LUZP2: variants seen among roughly 807,000 people sequenced by gnomAD.
LUZP2 encodes leucine zipper protein 2.
Under a neutral mutation model 51.6 loss-of-function variants are expected in LUZP2, and 52 were observed. The ratio of observed to expected loss-of-function variants is 1.01; its 90% CI spans 0.81 to 1.27. The LOEUF (loss-of-function observed/expected upper bound fraction) is 1.27. Ranked by LOEUF, LUZP2 falls within the 50% of genes most tolerant of loss-of-function variation. LUZP2 has a pLI of 0.00. For missense variants in LUZP2, 436 were observed against 395.4 expected, an observed-to-expected ratio of 1.10 and a Z score of -0.87; for synonymous variants, 154 against 137.3, an observed-to-expected ratio of 1.12 and a Z score of -0.85.
At chr11:24,510,374 A>G (rs1165052381) in intron 1 of LUZP2, among the ~76,000 whole-genome samples, 1 of 152,224 alleles carries the variant, frequency 6.6e-6, no homozygotes, top group Non-Finnish European at 1.5e-5. Flanking sequence ...CTTTGGTTCT[A>G]TATTGTCTTG....
intron 5 of LUZP2, among the ~76,000 whole-genome samples, chr11:24,807,742 T>A (rs577225944): frequency 6.6e-6 from 1 of 152,170 alleles, no homozygotes; most frequent in East Asian, 1.9e-4. Context: ...AAAGAACTCC[T>A]CTAGAATGAG....
At chr11:24,630,905 G>A (rs531548533) in intron 1 of LUZP2, among the ~76,000 whole-genome samples, 1 of 151,720 alleles carries the variant, frequency 6.6e-6, no homozygotes, top group Non-Finnish European at 1.5e-5. Context: ...TTTTTGTAGA[G>A]ATCTTTCCTC....
chr11:24,986,459 A>T (rs4411248), intron 9 of LUZP2, among the ~76,000 whole-genome samples: 1 of 150,892 alleles, frequency 6.6e-6, no homozygotes, highest in African/African-American at 2.4e-5. Context: ...TGAAATTGGT[A>T]ACATTTATAC....
At chr11:24,971,250 T>G (rs1855728586) in intron 7 of LUZP2, among the ~76,000 whole-genome samples, 1 of 152,108 alleles carries the variant, frequency 6.6e-6, no homozygotes, top group Non-Finnish European at 1.5e-5. Context: ...ATTATTCAAG[T>G]GCATTATATT....
At chr11:24,926,387 ATACG>A (rs773224882) in intron 7 of LUZP2, among the ~76,000 whole-genome samples, 8 of 63,136 alleles carry the variant, frequency 1.3e-4, no homozygotes, top group Admixed American at 3.4e-4. Context: ...GTGTATATAT[ATACG>A]TGTGTATATA....
At chr11:24,918,918 A>G (rs1853905920) in intron 7 of LUZP2, among the ~76,000 whole-genome samples, 1 of 145,816 alleles carries the variant, frequency 6.9e-6, no homozygotes, top group Admixed American at 7.0e-5. Flanking sequence ...TATCCATAAT[A>G]TGTATTATAT....
At chr11:24,732,453 G>A (rs561867836) in intron 3 of LUZP2, among the ~76,000 whole-genome samples, 16 of 151,690 alleles carry the variant, frequency 1.1e-4, no homozygotes, top group Admixed American at 5.9e-4. Flanking sequence ...TGAATGTTAG[G>A]GAGGTATAAT....
intron 4 of LUZP2, chr11:24,762,911 T>C (rs2134032293): frequency 2.5e-6 from 2 of 810,588 alleles, no homozygotes; most frequent in South Asian, 5.6e-5. Flanking sequence ...GGTTCAACTC[T>C]AGAATCTATT....
At chr11:24,554,701 ATTT>A (rs397747044) in intron 1 of LUZP2, among the ~76,000 whole-genome samples, 1 of 133,500 alleles carries the variant, frequency 7.5e-6, no homozygotes, top group Non-Finnish European at 1.5e-5. Flanking sequence ...TGGTTATTTA[ATTT>A]TTTTTTTTTT....
intron 1 of LUZP2, among the ~76,000 whole-genome samples, chr11:24,667,321 C>T (rs1856248881): frequency 6.6e-6 from 1 of 151,396 alleles, no homozygotes; most frequent in Non-Finnish European, 1.5e-5. Context: ...GTAGCTGGGA[C>T]TACAGACATG....
intron 1 of LUZP2, among the ~76,000 whole-genome samples, chr11:24,604,606 C>T (rs1190275436): frequency 1.3e-5 from 2 of 151,802 alleles, no homozygotes; most frequent in Admixed American, 6.6e-5. Flanking sequence ...GCAGTATGGT[C>T]TCTGACACTG....
At chr11:24,612,613 G>A (rs567413429) in intron 1 of LUZP2, among the ~76,000 whole-genome samples, 1 of 152,160 alleles carries the variant, frequency 6.6e-6, no homozygotes, top group Admixed American at 6.5e-5. Flanking sequence ...AATAGGGCTA[G>A]CCTCACCCTA....
intron 1 of LUZP2, among the ~76,000 whole-genome samples, chr11:24,648,783 ACAAACTCAG>A (rs1855539683): frequency 6.6e-6 from 1 of 151,986 alleles, no homozygotes; most frequent in African/African-American, 2.4e-5. Context: ...CTTGTACTCT[ACAAACTCAG>A]ATGAGCAGGA....
chr11:24,514,290 T>C (rs572397754), intron 1 of LUZP2, among the ~76,000 whole-genome samples: 1 of 152,282 alleles, frequency 6.6e-6, no homozygotes, highest in South Asian at 2.1e-4. Flanking sequence ...AAGAAATAGA[T>C]GGTGATGATC....
At chr11:24,987,815 A>G (rs1381684385) in intron 9 of LUZP2, among the ~76,000 whole-genome samples, 1 of 151,912 alleles carries the variant, frequency 6.6e-6, no homozygotes, top group African/African-American at 2.4e-5. Flanking sequence ...GTTTTTTAAG[A>G]AACCTCAAAA....
intron 7 of LUZP2, among the ~76,000 whole-genome samples, chr11:24,966,907 A>G (rs1012940380): frequency 6.8e-6 from 1 of 147,942 alleles, no homozygotes; most frequent in Non-Finnish European, 1.5e-5. Context: ...TATATTATAT[A>G]TATATAATAT....
At chr11:24,820,659 A>G (rs61875870) in intron 5 of LUZP2, among the ~76,000 whole-genome samples, 1 of 152,054 alleles carries the variant, frequency 6.6e-6, no homozygotes, top group Non-Finnish European at 1.5e-5. Context: ...GATTACTTTA[A>G]TGACTCACTG....
chr11:24,749,435 G>A (rs1859497446), intron 4 of LUZP2, among the ~76,000 whole-genome samples: 1 of 152,124 alleles, frequency 6.6e-6, no homozygotes, highest in Non-Finnish European at 1.5e-5. Context: ...TAGATAGCTG[G>A]TTTAAGTATT....
chr11:24,727,334 T>C (rs746546384), intron 1 of LUZP2, among the ~76,000 whole-genome samples: 1 of 152,036 alleles, frequency 6.6e-6, no homozygotes, highest in Non-Finnish European at 1.5e-5. Flanking sequence ...GACTCACTGA[T>C]ACACCACTTT....
Sources: allele counts gnomAD v4.1 joint callset (sites outside exome capture counted in the v4.1 genomes callset), GRCh38; gene constraint gnomAD v4.1.1; transcripts MANE v1.5; gene names NCBI Gene and HGNC (gene_info 2026-07-23, HGNC 2026-07-21).